The following STK39 variants were observed in gnomAD, a reference collection of about 807,000 sequenced individuals.
The protein encoded by STK39 is serine/threonine kinase 39, also known as STE20/SPS1-related proline-alanine-rich protein kinase.
Under a neutral mutation model 77.8 loss-of-function variants are expected in STK39, and 20 were observed. The ratio of observed to expected loss-of-function variants is 0.26; its 90% CI spans 0.18 to 0.37. STK39 has a LOEUF of 0.37. Ranked by LOEUF, STK39 falls within the 10% of genes least tolerant of loss-of-function variation. STK39 has a pLI of 1.00. For missense variants in STK39, 479 were observed against 656.5 expected (o/e 0.73, Z 2.95); for synonymous variants, 246 against 234.1 (o/e 1.05, Z -0.47).
chr2:168,156,653 C>T (rs1373748300), intron 5 of STK39, among the ~76,000 whole-genome samples: 1 of 152,120 alleles, frequency 6.6e-6, no homozygotes, highest in Non-Finnish European at 1.5e-5. Flanking sequence ...CCTTTAATGC[C>T]GCAGTATATT....
chr2:167,955,439 A>C lies in STK39; in HGVS notation c.*57T>G. On this transcript the variant is annotated 3_prime_UTR_variant, in exon 18 of 18. Transcript: ENST00000355999. The stretch of plus-strand genomic sequence containing the variant: ...AATGGGCAGAAAGAGGGAGGGTTGA[A>C]GGGAGTAGGGGTGGCGGTGGGGCAT... 1 of 1,541,648 alleles carries C rather than the reference A, an allele frequency of 6.5e-7. No individual in the cohort carries two copies. The highest frequency in any genetic ancestry group is 8.9e-7 in the Non-Finnish European group (1 of 1,124,270).
At chr2:168,205,192 A>G (rs1689709695) in intron 1 of STK39, among the ~76,000 whole-genome samples, 1 of 152,218 alleles carries the variant, frequency 6.6e-6, no homozygotes, top group African/African-American at 2.4e-5. Context: ...AAATGTTGAA[A>G]GCAATTTTTA....
intron 8 of STK39, 69 bp downstream of exon 8, chr2:168,138,019 C>A: frequency 6.5e-7 from 1 of 1,548,580 alleles, no homozygotes; most frequent in Non-Finnish European, 8.7e-7. Context: ...AAAGCCTTTC[C>A]CCATCTACAA....
chr2:167,993,672 A>G (rs1372375838), intron 16 of STK39, among the ~76,000 whole-genome samples: 1 of 152,158 alleles, frequency 6.6e-6, no homozygotes, highest in Non-Finnish European at 1.5e-5. Context: ...TATGTGAGCT[A>G]AAGTCCTTGT....
At chr2:168,005,816 T>A (rs913156545) in intron 16 of STK39, among the ~76,000 whole-genome samples, 9 of 152,086 alleles carry the variant, frequency 5.9e-5, no homozygotes, top group African/African-American at 2.2e-4. Flanking sequence ...TGGTGACATG[T>A]ATGGTAAGTC....
At chr2:168,231,382 G>T (rs1690451404) in intron 1 of STK39, among the ~76,000 whole-genome samples, 2 of 151,924 alleles carry the variant, frequency 1.3e-5, no homozygotes, top group Non-Finnish European at 2.9e-5. Flanking sequence ...CAACAGAAAG[G>T]ATTTCCAATT....
chr2:168,049,098 T>C (rs1156670285), intron 14 of STK39, among the ~76,000 whole-genome samples: 1 of 152,160 alleles, frequency 6.6e-6, no homozygotes, highest in Admixed American at 6.5e-5. Flanking sequence ...GGATTGTCAG[T>C]TGATGTAACA....
At chr2:168,042,577 CTTTTTTTTT>C (rs540413448) in intron 14 of STK39, among the ~76,000 whole-genome samples, 1 of 133,046 alleles carries the variant, frequency 7.5e-6, no homozygotes, top group African/African-American at 2.8e-5. Context: ...TTCCTTCCTT[CTTTTTTTTT>C]TTTTTTTTTC....
chr2:168,117,376 C>T (rs1471962816), intron 10 of STK39, among the ~76,000 whole-genome samples: 1 of 152,144 alleles, frequency 6.6e-6, no homozygotes, highest in Non-Finnish European at 1.5e-5. Flanking sequence ...TGCTAAACTT[C>T]AATTTGAAAA....
chr2:168,162,062 G>C (rs1688585760), intron 4 of STK39, among the ~76,000 whole-genome samples: 1 of 152,134 alleles, frequency 6.6e-6, no homozygotes, highest in African/African-American at 2.4e-5. Flanking sequence ...AAGGTGGGTG[G>C]AGCACCTGAG....
At chr2:168,242,632 C>T (rs967429324) in intron 1 of STK39, among the ~76,000 whole-genome samples, 26 of 143,052 alleles carry the variant, frequency 1.8e-4, no homozygotes, top group African/African-American at 6.4e-4. Context: ...GCCTGTAATC[C>T]CAACACATTG....
At chr2:168,070,253 A>C (rs1685904168) in intron 12 of STK39, among the ~76,000 whole-genome samples, 1 of 152,154 alleles carries the variant, frequency 6.6e-6, no homozygotes. Context: ...CACAGTGCCT[A>C]ACACAGTTCC....
intron 14 of STK39, among the ~76,000 whole-genome samples, chr2:168,026,153 C>G (rs1178027507): frequency 6.6e-6 from 1 of 152,150 alleles, no homozygotes; most frequent in African/African-American, 2.4e-5. Flanking sequence ...TAACAAGTTT[C>G]CGATCTTTGC....
intron 1 of STK39, among the ~76,000 whole-genome samples, chr2:168,226,602 C>T (rs1012116807): frequency 7.9e-5 from 12 of 152,130 alleles, no homozygotes; most frequent in Non-Finnish European, 1.3e-4. Flanking sequence ...CTTTTCCAAT[C>T]CACAATTACC....
chr2:168,058,215 G>A (rs917953938), intron 14 of STK39, among the ~76,000 whole-genome samples: 2 of 152,100 alleles, frequency 1.3e-5, no homozygotes, highest in African/African-American at 4.8e-5. Context: ...AAATATTCTT[G>A]CCAAGGTCAA....
At position 168,247,368 on chromosome 2, in the gene STK39, GCCGCTGTCACCGGGGCCGC is replaced by G; in HGVS notation, c.49_67del (p.Ala17ArgfsTer67). On this transcript the variant is annotated frameshift_variant, in exon 1 of 18. Coordinates refer to ENST00000355999, the MANE Select transcript of STK39 (RefSeq NM_013233.3). LOFTEE classifies it high-confidence loss of function. Reference sequence around the variant, plus strand: ...CGCGGCCGCCGGGGCCGCCGCCGCCGCCGCTGTCACCGGGGCCGCCTGCTGGGGAAGCTGGACGTGCACG... The same window carrying G: ...CGCGGCCGCCGGGGCCGCCGCCGCCGCTGCTGGGGAAGCTGGACGTGCACG... 1.0e-6 allele frequency: 1 copy of G among 998,276 alleles called. No homozygotes were observed. The allele number at this position is 998,276 out of a possible 1,614,324, so 61.8% of individuals were successfully genotyped here.
rs894404561 is a variant in STK39 at position 168,162,300 on chromosome 2, A to T, written c.573-458T>A. ...AAACTTGGTCTCAAAAAAAAAAAAA[A>T]AAAAAAAAAAAAGGTATAAGGATCC... On this transcript the variant is annotated intron_variant, in intron 4 of 17. Transcript: ENST00000355999. Among the ~76,000 whole-genome samples the T allele has an allele frequency of 1.7e-3, 260 of 151,754 alleles. 4 individuals carry two copies. The highest frequency in any genetic ancestry group is 2.3e-3 in the East Asian group (12 of 5,172).
chr2:167,959,082 TC>T (rs1403806953), intron 17 of STK39, among the ~76,000 whole-genome samples: 1 of 151,030 alleles, frequency 6.6e-6, no homozygotes, highest in Admixed American at 6.7e-5. Flanking sequence ...GAATTTATTA[TC>T]AACAACAAAT....
At chr2:168,236,819 G>C (rs2105272247) in intron 1 of STK39, among the ~76,000 whole-genome samples, 1 of 152,096 alleles carries the variant, frequency 6.6e-6, no homozygotes, top group Non-Finnish European at 1.5e-5. Flanking sequence ...TCTCTGTTTT[G>C]GTACCAGTAC....
Sources: allele counts gnomAD v4.1 joint callset (sites outside exome capture counted in the v4.1 genomes callset), GRCh38; gene constraint gnomAD v4.1.1; transcripts MANE v1.5; gene names NCBI Gene and HGNC (gene_info 2026-07-23, HGNC 2026-07-21).